Variants in IL1RAPL1 observed in about 807,000 individuals in gnomAD.
IL1RAPL1 encodes interleukin 1 receptor accessory protein like 1, also known as interleukin-1 receptor accessory protein-like 1.
IL1RAPL1 carries 3 observed loss-of-function variants against 48.4 expected under a neutral mutation model. That is an observed-to-expected ratio of 0.06 (90% CI 0.03 to 0.16). IL1RAPL1 has a LOEUF of 0.16. Ranked by LOEUF, IL1RAPL1 falls within the 10% of genes least tolerant of loss-of-function variation. The pLI, the probability that IL1RAPL1 is intolerant of heterozygous loss-of-function variation, is 1.00. For synonymous variants in IL1RAPL1, 185 were observed against 187.7 expected (o/e 0.99, Z 0.12); for missense variants, 349 against 530.6 (o/e 0.66, Z 3.36).
rs754241164 is a variant in IL1RAPL1, at chrX:29,112,885, C to T, written c.83-170053C>T. 6.5e-5 allele frequency among the ~76,000 whole-genome samples: 7 copies of T among 107,609 alleles called. No homozygotes were observed. The South Asian group carries it at 2.1e-3, about 33-fold the overall frequency. 93.4% of individuals were successfully genotyped at this position (107,609 alleles called of 115,157 possible). ...CGAGATCTCAGCTCACTGCAACCTC[C>T]GCCCCCCAGGTTCAAGCAGTTCTCT... On this transcript the variant is annotated intron_variant, in intron 2 of 10. Transcript: ENST00000378993.
At chrX:29,913,502 A>G (rs1395625604) in intron 6 of IL1RAPL1, among the ~76,000 whole-genome samples, 1 of 110,834 alleles carries the variant, frequency 9.0e-6, no homozygotes, top group Non-Finnish European at 1.9e-5. Flanking sequence ...CAGGATTCCT[A>G]CTTAATGTCT....
chrX:29,882,636 G>T (rs1216923100), intron 6 of IL1RAPL1, among the ~76,000 whole-genome samples: 4 of 111,896 alleles, frequency 3.6e-5, no homozygotes, highest in African/African-American at 1.3e-4. Context: ...GGGCATGGCT[G>T]TGTTTCAATA....
intron 2 of IL1RAPL1, among the ~76,000 whole-genome samples, chrX:29,197,220 C>A (rs748480137): frequency 2.9e-3 from 327 of 111,995 alleles, no homozygotes; most frequent in African/African-American, 9.7e-3. Context: ...TGAAAGTTAT[C>A]ATTCTTGCTT....
At chrX:29,399,512 A>G (rs1248958589) in intron 5 of IL1RAPL1, among the ~76,000 whole-genome samples, 2 of 112,051 alleles carry the variant, frequency 1.8e-5, no homozygotes, top group African/African-American at 6.5e-5. Context: ...CAATATGTTT[A>G]GGGAGTTATA....
At position 28,949,046 on chromosome X, in the gene IL1RAPL1, T is replaced by G. The variant is rs185736003; in HGVS notation, c.82+159621T>G. Among the ~76,000 whole-genome samples, 39 of 110,916 alleles carry G rather than the reference T, an allele frequency of 3.5e-4. 1 individual carries two copies. The highest frequency in any genetic ancestry group is 5.5e-4 in the Non-Finnish European group (29 of 52,880). On this transcript the variant is annotated intron_variant, in intron 2 of 10. Transcript: ENST00000378993. The stretch of plus-strand genomic sequence containing the variant: ...TATTATTGTTATTATTATTATTATT[T>G]GAATCTAATTATTAGTCTCTAACAA...
intron 1 of IL1RAPL1, among the ~76,000 whole-genome samples, chrX:28,674,360 C>G (rs1601855217): frequency 1.8e-5 from 2 of 111,194 alleles, no homozygotes; most frequent in African/African-American, 6.5e-5. Context: ...CCACCACCCC[C>G]CTTCCCTATG....
intron 5 of IL1RAPL1, among the ~76,000 whole-genome samples, chrX:29,549,037 G>T (rs1022525): frequency 9.1e-6 from 1 of 110,321 alleles, no homozygotes; most frequent in South Asian, 3.8e-4. Context: ...AATTCTTGGC[G>T]GGAAAGTGAG....
intron 2 of IL1RAPL1, among the ~76,000 whole-genome samples, chrX:29,085,314 G>A (rs1203590942): frequency 9.0e-6 from 1 of 111,501 alleles, no homozygotes; most frequent in African/African-American, 3.3e-5. Context: ...AGCAACAGTA[G>A]TGGTGATAAT....
At chrX:29,633,960 AT>A (rs1330505599) in intron 5 of IL1RAPL1, among the ~76,000 whole-genome samples, 1 of 111,484 alleles carries the variant, frequency 9.0e-6, no homozygotes, top group African/African-American at 3.3e-5. Context: ...GTGACATGCC[AT>A]TTTGGGGGCT....
chrX:28,908,921 C>G (rs1274243885), intron 2 of IL1RAPL1, among the ~76,000 whole-genome samples: 1 of 111,817 alleles, frequency 8.9e-6, no homozygotes, highest in East Asian at 2.8e-4. Flanking sequence ...AGAATTTACC[C>G]TTTTTTGTTA....
At chrX:29,949,870 C>T (rs1933283138) in intron 9 of IL1RAPL1, among the ~76,000 whole-genome samples, 1 of 111,865 alleles carries the variant, frequency 8.9e-6, no homozygotes, top group Admixed American at 9.5e-5. Flanking sequence ...GGGAAGACAC[C>T]TTAGAATCCA....
At chrX:29,931,245 C>A (rs1932946092) in intron 8 of IL1RAPL1, among the ~76,000 whole-genome samples, 1 of 111,212 alleles carries the variant, frequency 9.0e-6, no homozygotes. Context: ...AAATTTACCA[C>A]TATTTTCCTC....
chrX:28,813,255 A>C (rs1233165506), intron 2 of IL1RAPL1, among the ~76,000 whole-genome samples: 1 of 111,510 alleles, frequency 9.0e-6, no homozygotes, highest in East Asian at 2.8e-4. Flanking sequence ...ATTTGTTCAA[A>C]AGATTTTAAC....
intron 2 of IL1RAPL1, among the ~76,000 whole-genome samples, chrX:29,013,462 A>G (rs1926171608): frequency 8.9e-6 from 1 of 112,303 alleles, no homozygotes. Context: ...CATGGAATCA[A>G]TATAAATGCC....
rs747510558 is a variant in IL1RAPL1 at position 29,788,196 on chromosome X, T to G, written c.778+119692T>G. ...TTCAGAAACAAAGAACATTCATTGATTCCACAAAGATTTATTGAGTGACTA... is the reference window on the plus strand; with the variant it reads ...TTCAGAAACAAAGAACATTCATTGAGTCCACAAAGATTTATTGAGTGACTA... On this transcript the variant is annotated intron_variant, in intron 6 of 10. Transcript: ENST00000378993. Among the ~76,000 whole-genome samples, 5 of 111,848 alleles carry G rather than the reference T, an allele frequency of 4.5e-5. No individual in the cohort carries two copies. The East Asian group carries it at 1.4e-3, about 31-fold the overall frequency.
At chrX:28,981,362 T>C (rs1368437046) in intron 2 of IL1RAPL1, among the ~76,000 whole-genome samples, 2 of 110,059 alleles carry the variant, frequency 1.8e-5, no homozygotes, top group African/African-American at 6.6e-5. Context: ...AAAAATCTCC[T>C]GGGTTTTTTT....
At chrX:28,938,832 A>G (rs997325453) in intron 2 of IL1RAPL1, among the ~76,000 whole-genome samples, 1 of 110,906 alleles carries the variant, frequency 9.0e-6, no homozygotes, top group African/African-American at 3.3e-5. Flanking sequence ...AATTTGAAGC[A>G]AAAAACAGTC....
chrX:28,920,532 A>T (rs1923591202), intron 2 of IL1RAPL1, among the ~76,000 whole-genome samples: 1 of 111,777 alleles, frequency 8.9e-6, no homozygotes, highest in Admixed American at 9.5e-5. Context: ...AGGAAAAAAA[A>T]ATAGTCCTAG....
intron 2 of IL1RAPL1, among the ~76,000 whole-genome samples, chrX:28,936,431 G>A (rs1015378034): frequency 9.1e-6 from 1 of 110,414 alleles, no homozygotes; most frequent in African/African-American, 3.3e-5. Flanking sequence ...GATTGCTTGA[G>A]CTCAAGCTTT....
Sources: allele counts gnomAD v4.1 joint callset (sites outside exome capture counted in the v4.1 genomes callset), GRCh38; gene constraint gnomAD v4.1.1; transcripts MANE v1.5; gene names NCBI Gene and HGNC (gene_info 2026-07-23, HGNC 2026-07-21).